Variants in KLHL32 observed in about 807,000 individuals in gnomAD.
KLHL32 encodes kelch like family member 32, also known as kelch-like protein 32.
In KLHL32, 35 loss-of-function variants were observed where a neutral mutation model predicts 64.8. The observed-to-expected ratio is 0.54, with a 90% CI of 0.41 to 0.72. The LOEUF is 0.72. KLHL32 is among the 30% of genes least tolerant of loss of function. The pLI, the probability that KLHL32 is intolerant of heterozygous loss-of-function variation, is 0.00. For missense variants in KLHL32, 589 were observed against 768.5 expected (o/e 0.77, Z 2.76); for synonymous variants, 259 against 281.0 (o/e 0.92, Z 0.78).
At chr6:97,075,168 T>C (rs778745097) in intron 5 of KLHL32, among the ~76,000 whole-genome samples, 95 of 152,162 alleles carry the variant, frequency 6.2e-4, no homozygotes, top group Admixed American at 7.9e-4. Flanking sequence ...ACAGCACAAA[T>C]GTATTTAAAT....
rs543655656 is a variant in KLHL32 at position 97,125,499 on chromosome 6, A to G, written c.1355-1905A>G. ...GAGATCAGAATACAGTCTGAAATCAATTCTATTAAGCAAAGTTTTTAAGAG... is the reference window on the plus strand; with the variant it reads ...GAGATCAGAATACAGTCTGAAATCAGTTCTATTAAGCAAAGTTTTTAAGAG... On this transcript the variant is annotated intron_variant, in intron 7 of 10. Coordinates refer to ENST00000369261, the MANE Select transcript of KLHL32 (RefSeq NM_052904.4). Among the ~76,000 whole-genome samples the G allele has an allele frequency of 7.2e-5, 11 of 152,360 alleles. No homozygotes were observed. The East Asian group carries it at 2.1e-3, about 29-fold the overall frequency.
chr6:96,916,143 C>T, the KLHL32 span, among the ~76,000 whole-genome samples: 3,024 of 151,624 alleles, frequency 0.02, 105 homozygotes, highest in African/African-American at 0.07. Flanking sequence ...ATACAGGAAT[C>T]GAAAGTGAGG....
intron 5 of KLHL32, among the ~76,000 whole-genome samples, chr6:97,065,047 A>G (rs1789517856): frequency 6.6e-6 from 1 of 152,194 alleles, no homozygotes; most frequent in Non-Finnish European, 1.5e-5. Context: ...AAGGAGTCCT[A>G]GTCCGAAGCA....
At chr6:97,075,472 C>A (rs181189373) in intron 5 of KLHL32, among the ~76,000 whole-genome samples, 1 of 152,226 alleles carries the variant, frequency 6.6e-6, no homozygotes, top group Admixed American at 6.5e-5. Context: ...TCTTCTATAA[C>A]AATTAGACTT....
chr6:97,010,579 C>T (rs989418701), intron 3 of KLHL32, among the ~76,000 whole-genome samples: 4 of 152,150 alleles, frequency 2.6e-5, no homozygotes, highest in African/African-American at 9.7e-5. Flanking sequence ...CCTCATGTTT[C>T]CTCAATTTTG....
intron 1 of KLHL32, among the ~76,000 whole-genome samples, chr6:96,955,600 A>T (rs1297892646): frequency 6.6e-6 from 1 of 152,156 alleles, no homozygotes; most frequent in Admixed American, 6.5e-5. Flanking sequence ...TGCCACTTTT[A>T]ACTTTTGGTA....
chr6:97,118,194 C>T (rs1043350081), intron 7 of KLHL32, among the ~76,000 whole-genome samples: 16 of 152,070 alleles, frequency 1.1e-4, no homozygotes, highest in Non-Finnish European at 2.2e-4. Context: ...TAAATAACTT[C>T]AATTTATTCA....
intron 6 of KLHL32, among the ~76,000 whole-genome samples, chr6:97,106,758 T>A (rs922775643): frequency 1.3e-5 from 2 of 148,906 alleles, no homozygotes; most frequent in African/African-American, 5.2e-5. Flanking sequence ...AAAAAAAAAT[T>A]AAATGTGAAA....
At chr6:96,929,570 T>C (rs1429128945) in intron 1 of KLHL32, among the ~76,000 whole-genome samples, 1 of 152,196 alleles carries the variant, frequency 6.6e-6, no homozygotes, top group East Asian at 1.9e-4. Context: ...TTGTTCACCT[T>C]TTTCCTGGCA....
At chr6:97,041,993 G>A (rs985450089) in intron 4 of KLHL32, among the ~76,000 whole-genome samples, 2 of 152,234 alleles carry the variant, frequency 1.3e-5, no homozygotes, top group South Asian at 4.1e-4. Context: ...TATGTCCAAC[G>A]TCTTGGTACC....
At chr6:96,999,582 G>C (rs1490665368) in intron 3 of KLHL32, 1 of 935,272 alleles carries the variant, frequency 1.1e-6, no homozygotes, top group Admixed American at 6.2e-5. Context: ...TTTTTTCCCT[G>C]CTATTTTCTT....
chr6:97,078,928 G>A (rs889174818), intron 5 of KLHL32, among the ~76,000 whole-genome samples: 4 of 152,210 alleles, frequency 2.6e-5, no homozygotes, highest in Non-Finnish European at 4.4e-5. Flanking sequence ...AGCCACGGCG[G>A]TAGCCAAAAC....
At chr6:96,981,314 C>A (rs1363823887) in intron 3 of KLHL32, among the ~76,000 whole-genome samples, 1 of 152,062 alleles carries the variant, frequency 6.6e-6, no homozygotes, top group Non-Finnish European at 1.5e-5. Context: ...ATGAATTTAT[C>A]CATTTCTACT....
chr6:96,977,957 C>A (rs1775895010), intron 3 of KLHL32, among the ~76,000 whole-genome samples: 1 of 152,178 alleles, frequency 6.6e-6, no homozygotes, highest in Non-Finnish European at 1.5e-5. Flanking sequence ...CACCCTCACT[C>A]ACATTGTCAG....
chr6:96,986,054 T>C (rs2128056751), intron 3 of KLHL32, among the ~76,000 whole-genome samples: 1 of 152,314 alleles, frequency 6.6e-6, no homozygotes, highest in African/African-American at 2.4e-5. Context: ...GGTTTTGGTG[T>C]GGATGTCTTT....
intron 6 of KLHL32, among the ~76,000 whole-genome samples, chr6:97,103,366 A>G (rs976623367): frequency 1.1e-4 from 16 of 152,142 alleles, no homozygotes; most frequent in Admixed American, 7.2e-4. Context: ...GGCACCTGCC[A>G]TCACACCTGG....
At chr6:96,919,203 C>T in the KLHL32 span, among the ~76,000 whole-genome samples, 1 of 152,166 alleles carries the variant, frequency 6.6e-6, no homozygotes, top group Non-Finnish European at 1.5e-5. Context: ...CTATGAGCCA[C>T]CAGTATCCTT....
rs189804016 is a variant in KLHL32, at chr6:97,109,257, C to T, written c.628-4526C>T. On this transcript the variant is annotated intron_variant, in intron 6 of 10. Coordinates refer to ENST00000369261, the MANE Select transcript of KLHL32 (RefSeq NM_052904.4). ...CCTTTGATCTGGAAAAAAATATAAA[C>T]CCAACAAGTAGGGATGACTTGTATA... is the stretch of plus-strand genomic sequence containing the variant. 2.8e-4 allele frequency among the ~76,000 whole-genome samples: 43 copies of T among 152,122 alleles called. No homozygotes were observed. The East Asian group carries it at 7.1e-3, about 25-fold the overall frequency.
chr6:97,128,432 GGAA>G (rs1799094560), intron 8 of KLHL32, among the ~76,000 whole-genome samples: 1 of 152,204 alleles, frequency 6.6e-6, no homozygotes, highest in Non-Finnish European at 1.5e-5. Context: ...TGGTTAAAGA[GGAA>G]GAAGGTGTTA....
Sources: gnomAD v4.1 joint callset for allele counts (sites outside exome capture counted in the v4.1 genomes callset) on GRCh38, gnomAD v4.1.1 for gene constraint, MANE v1.5 for transcripts, NCBI Gene and HGNC (gene_info 2026-07-23, HGNC 2026-07-21) for gene names.